LIPE: variants seen among roughly 807,000 people sequenced by gnomAD.
LIPE encodes the protein hormone-sensitive lipase.
LIPE carries 66 observed loss-of-function variants against 88.5 expected under a neutral mutation model. That is an observed-to-expected ratio of 0.75 (90% confidence interval 0.61 to 0.91). The LOEUF is 0.91. Ranked by LOEUF, LIPE falls within the 40% of genes least tolerant of loss-of-function variation. The pLI, the probability that LIPE is intolerant of heterozygous loss-of-function variation, is 0.00. For missense variants in LIPE, 1,346 were observed against 1,434.7 expected, an observed-to-expected ratio of 0.94 and a Z score of 1.00; for synonymous variants, 570 against 617.5, an observed-to-expected ratio of 0.92 and a Z score of 1.14.
At chr19:42,409,021 T>C (rs1359072435) in intron 2 of LIPE, among the ~76,000 whole-genome samples, 1 of 151,842 alleles carries the variant, frequency 6.6e-6, no homozygotes, top group African/African-American at 2.4e-5. Context: ...ACTGGTAGGC[T>C]GTGAGGTGGG....
rs764266227 is a variant in LIPE at position 42,407,804 on chromosome 19, G to A, written c.1657-13C>T. ...TGTTGGCCAGAGACTGGAGGGAGGG[G>A]ACAGAAGGGGTGCTAGGGAAGGTCT... On this transcript the variant is annotated splice_polypyrimidine_tract_variant and intron_variant, in intron 4 of 9. Coordinates refer to ENST00000244289, the MANE Select transcript of LIPE (RefSeq NM_005357.4). This position sits in a 1 kb window ranked among gnomAD's most constrained non-coding sequence, Gnocchi z 5.8. 1 of 1,548,332 alleles carries A rather than the reference G, an allele frequency of 6.5e-7. No homozygotes were observed. The highest frequency in any genetic ancestry group is 1.2e-5 in the South Asian group (1 of 80,658).
chr19:42,407,966 A>T lies in LIPE; in HGVS notation c.1656+10T>A. The T allele has an allele frequency of 6.2e-7, 1 of 1,610,348 alleles. No homozygotes were observed. The highest frequency in any genetic ancestry group is 1.1e-5 in the South Asian group (1 of 90,808). On this transcript the variant is annotated intron_variant, in intron 4 of 9. Coordinates refer to ENST00000244289, the MANE Select transcript of LIPE (RefSeq NM_005357.4). This position sits in a 1 kb window ranked among gnomAD's most constrained non-coding sequence, Gnocchi z 5.8. ...GGGCCTCAGTGTCCCCATCTGCAAC[A>T]GGCCCTCACCGATAGCACTTCCATC...
intron 8 of LIPE, among the ~76,000 whole-genome samples, chr19:42,403,452 G>GTTTT (rs59961297): frequency 1.4e-5 from 2 of 141,782 alleles, no homozygotes; most frequent in African/African-American, 5.2e-5. Flanking sequence ...ATCGTTTTTT[G>GTTTT]TTTTTTTTTT....
chr19:42,412,565 C>A (rs527324415), intron 1 of LIPE: 16 of 986,664 alleles, frequency 1.6e-5, no homozygotes, highest in African/African-American at 1.4e-4. Flanking sequence ...GCTCTGCCCC[C>A]CACCTGCTCC....
chr19:42,419,970 C>G (rs2040563636), intron 1 of LIPE, among the ~76,000 whole-genome samples: 1 of 151,818 alleles, frequency 6.6e-6, no homozygotes, highest in Admixed American at 6.6e-5. Context: ...CTCAAGCAAT[C>G]CTCCTGCCTT....
At position 42,418,521 on chromosome 19, in the gene LIPE, G is replaced by C. The variant is rs1457532611; in HGVS notation, c.884-7679C>G. The stretch of plus-strand genomic sequence containing the variant: ...TTGCTGAAGGCTCAGATGATCATTA[G>C]CATAGTATGGGGCCAGGCGTGGTAG... On this transcript the variant is annotated intron_variant, in intron 1 of 9. Transcript: ENST00000244289. 2.0e-5 allele frequency among the ~76,000 whole-genome samples: 3 copies of C among 152,234 alleles called. No homozygotes were observed. The East Asian group carries it at 5.8e-4, about 29-fold the overall frequency.
chr19:42,411,277 A>T, intron 1 of LIPE: 1 of 980,400 alleles, frequency 1.0e-6, no homozygotes, highest in Non-Finnish European at 1.2e-6. Context: ...CTCTCCTGTG[A>T]TCCAGGAGGC....
intron 1 of LIPE, among the ~76,000 whole-genome samples, chr19:42,421,145 C>T (rs901245055): frequency 2.0e-5 from 3 of 152,140 alleles, no homozygotes; most frequent in African/African-American, 7.2e-5. Context: ...GGGGTCCTCC[C>T]ACCTTGGCCT....
chr19:42,406,316 C>G lies in LIPE; in HGVS notation c.2210G>C (p.Arg737Pro). ...CACCCGCACCCCGTAGGCTGCTGCC[C>G]GAAGAGCCACGGTGAAGCAGAGGTT... ...GGNLCFTVAL[R>P]AAAYGVRVPD... The change falls in exon 7 of 10, where the codon CGG becomes CCG. Residue 737 changes from arginine (R) to proline (P), a missense_variant. Coordinates refer to ENST00000244289, the MANE Select transcript of LIPE (RefSeq NM_005357.4). This position sits in a 1 kb window ranked among gnomAD's most constrained non-coding sequence, Gnocchi z 5.7. The G allele has an allele frequency of 4.3e-6, 7 of 1,614,108 alleles. No individual in the cohort carries two copies. Among genetic ancestry groups the G allele is most frequent in the Non-Finnish European group, 5.1e-6 (6 of 1,180,004 alleles).
At chr19:42,417,111 G>A (rs773145730) in intron 1 of LIPE, among the ~76,000 whole-genome samples, 3 of 152,056 alleles carry the variant, frequency 2.0e-5, no homozygotes, top group Non-Finnish European at 4.4e-5. Context: ...TAGTAGAGAC[G>A]GGGTTTCACC....
At position 42,406,031 on chromosome 19, in the gene LIPE, G is replaced by C; in HGVS notation, c.2365+130C>G. ...ACACACACACACACGAAAAAAAAGG[G>C]ACAAGGAGTCTTAGATTCCTCTGCC... is the stretch of plus-strand genomic sequence containing the variant. On this transcript the variant is annotated intron_variant, in intron 7 of 9. Coordinates refer to ENST00000244289, the MANE Select transcript of LIPE (RefSeq NM_005357.4). This position sits in a 1 kb window ranked among gnomAD's most constrained non-coding sequence, Gnocchi z 5.7. 1.4e-6 allele frequency: 1 copy of C among 690,792 alleles called. No individual in the cohort carries two copies. The allele number at this position is 690,792 out of a possible 1,614,324, so 42.8% of individuals were successfully genotyped here. A position where few individuals can be genotyped will look rare whatever the true frequency, so the allele number is the denominator to read the frequency against.
chr19:42,419,171 G>A (rs557879230), intron 1 of LIPE, among the ~76,000 whole-genome samples: 119 of 152,238 alleles, frequency 7.8e-4, no homozygotes, highest in Non-Finnish European at 1.5e-3. Flanking sequence ...CCAGCTACTC[G>A]GGAGGCTGAG....
chr19:42,426,501 G>A lies in LIPE; in HGVS notation c.649C>T (p.Arg217Ter), dbSNP rs764999627. The A allele has an allele frequency of 6.8e-6, 11 of 1,614,148 alleles. No individual in the cohort carries two copies. Among genetic ancestry groups the A allele is most frequent in the Middle Eastern group, 1.6e-4 (1 of 6,062 alleles). The change falls in exon 1 of 10, where the codon CGA becomes TGA. Residue 217 changes from arginine (R) to a stop codon, truncating the protein, a stop_gained. Coordinates refer to ENST00000244289, the MANE Select transcript of LIPE (RefSeq NM_005357.4). LOFTEE classifies it high-confidence loss of function. ...LTKLQELSIQ[R>*]SALEWKALSE... is the part of the protein sequence containing the mutation. ...AGTGCCTTCCACTCTAGGGCTGATC[G>A]CTGTATGGATAGTTCCTGAAGTTTT...
chr19:42,426,500 C>T lies in LIPE; in HGVS notation c.650G>A (p.Arg217Gln), dbSNP rs3745238. ...LTKLQELSIQ[R>Q]SALEWKALSE... Reference sequence around the variant, plus strand: ...AAGTGCCTTCCACTCTAGGGCTGATCGCTGTATGGATAGTTCCTGAAGTTT... The same window carrying T: ...AAGTGCCTTCCACTCTAGGGCTGATTGCTGTATGGATAGTTCCTGAAGTTT... The change falls in exon 1 of 10, where the codon CGA (arginine) becomes CAA (glutamine). Residue 217 changes from arginine (R) to glutamine (Q), a missense_variant. Transcript: ENST00000244289. 6.8e-3 allele frequency: 11,024 copies of T among 1,614,102 alleles called. 561 individuals carry two copies. The African/African-American group carries it at 0.12, about 18-fold the overall frequency.
Position 42,407,471 on chromosome 19 carries a change from G to C in LIPE, c.1843-3C>G, listed in dbSNP as rs1347013807. On this transcript the variant is annotated splice_region_variant and splice_polypyrimidine_tract_variant and intron_variant, in intron 5 of 9. Transcript: ENST00000244289. This position sits in a 1 kb window ranked among gnomAD's most constrained non-coding sequence, Gnocchi z 5.8. ...AGGCTGCTGAGCTCCTCACTGTCCT[G>C]GGGGTGAGGAGGGAGACGGTGTGTG... 1.2e-6 allele frequency: 2 copies of C among 1,608,202 alleles called. No homozygotes were observed. Among genetic ancestry groups the C allele is most frequent in the South Asian group, 2.2e-5 (2 of 90,708 alleles).
At chr19:42,424,280 T>G (rs1446672127) in intron 1 of LIPE, 3 of 477,316 alleles carry the variant, frequency 6.3e-6, no homozygotes, top group Admixed American at 4.7e-5. Context: ...AGAGCGGAGG[T>G]AGAGGGAACG....
In LIPE at chr19:42,405,419, C is replaced by A. The variant is rs148306456; in HGVS notation, c.2508G>T (p.Gly836=). 4.8e-4 allele frequency: 782 copies of A among 1,613,728 alleles called. No individual in the cohort carries two copies. The highest frequency in any genetic ancestry group is 6.3e-4 in the Non-Finnish European group (745 of 1,180,002). The change falls in exon 8 of 10, where the codon GGG becomes GGT. Residue 836 remains glycine, a synonymous_variant. Transcript: ENST00000244289. ...SWLNSFLELS[G]RKSQKMSEPI... ...GCTCCGACATCTTCTGGGACTTGCGCCCACTTAACTCCAGGAAGGAGTTGA... is the reference window on the plus strand; with the variant it reads ...GCTCCGACATCTTCTGGGACTTGCGACCACTTAACTCCAGGAAGGAGTTGA...
Position 42,408,362 on chromosome 19 carries a change from A to C in LIPE, c.1420-40T>G. Reference sequence around the variant, plus strand: ...GGCTGCGTCACCCACCGCTCAAGAGAGGGATGGGGACAGGGCAGGAGCGAG... The same window carrying C: ...GGCTGCGTCACCCACCGCTCAAGAGCGGGATGGGGACAGGGCAGGAGCGAG... On this transcript the variant is annotated intron_variant, in intron 2 of 9. Transcript: ENST00000244289. This position sits in a 1 kb window ranked among gnomAD's most constrained non-coding sequence, Gnocchi z 4.3. The C allele has an allele frequency of 6.5e-7, 1 of 1,538,778 alleles. No individual in the cohort carries two copies. The highest frequency in any genetic ancestry group is 9.0e-7 in the Non-Finnish European group (1 of 1,112,302).
intron 9 of LIPE, 135 bp from the exon 10 acceptor site, chr19:42,402,210 C>T: frequency 1.2e-6 from 1 of 849,084 alleles, no homozygotes; most frequent in Non-Finnish European, 1.7e-6. Context: ...AGGCAGGAGA[C>T]ATGGTGGGTG....
Sources: allele counts gnomAD v4.1 joint callset (sites outside exome capture counted in the v4.1 genomes callset), GRCh38; gene constraint gnomAD v4.1.1; non-coding constraint Gnocchi (gnomAD v3.1); transcripts MANE v1.5; gene names NCBI Gene and HGNC (gene_info 2026-07-23, HGNC 2026-07-21).